EHBP1: variants seen among roughly 807,000 people sequenced by gnomAD.
The protein encoded by EHBP1 is EH domain binding protein 1.
Under a neutral mutation model 144.0 loss-of-function variants are expected in EHBP1, and 55 were observed. That is an observed-to-expected ratio of 0.38 (90% CI 0.31 to 0.48). The LOEUF is 0.48. Ranked by LOEUF, EHBP1 falls within the 20% of genes least tolerant of loss-of-function variation. The pLI, the probability that EHBP1 is intolerant of heterozygous loss-of-function variation, is 0.98. For synonymous variants in EHBP1, 469 were observed against 472.7 expected, an observed-to-expected ratio of 0.99 and a Z score of 0.10; for missense variants, 1,200 against 1,364.2, an observed-to-expected ratio of 0.88 and a Z score of 1.90.
chr2:62,835,170 T>C (rs1342399620), intron 7 of EHBP1, among the ~76,000 whole-genome samples: 3 of 152,196 alleles, frequency 2.0e-5, no homozygotes, highest in African/African-American at 4.8e-5. Context: ...ATCTGTGTTA[T>C]TTTAAGTGCT....
intron 3 of EHBP1, among the ~76,000 whole-genome samples, chr2:62,753,730 C>T (rs989201679): frequency 1.7e-4 from 26 of 152,126 alleles, no homozygotes; most frequent in Non-Finnish European, 4.4e-5. Context: ...CTTCTCACTT[C>T]ATTTCATTCA....
chr2:62,778,350 G>A (rs1210930996), intron 5 of EHBP1, among the ~76,000 whole-genome samples: 1 of 151,936 alleles, frequency 6.6e-6, no homozygotes, highest in East Asian at 1.9e-4. Context: ...ACCACCATGG[G>A]CAATATAATA....
upstream of EHBP1, among the ~76,000 whole-genome samples, chr2:62,703,787 T>C (rs1378610916): frequency 6.6e-6 from 1 of 152,230 alleles, no homozygotes; most frequent in Non-Finnish European, 1.5e-5. Flanking sequence ...TAAAACTTAT[T>C]ACTTTTAAGG....
chr2:62,805,468 C>CT (rs199557281), intron 5 of EHBP1, among the ~76,000 whole-genome samples: 4,185 of 123,774 alleles, frequency 0.034, 130 homozygotes, highest in African/African-American at 0.089. Context: ...TTTGTATTTT[C>CT]TTTTTTTTTT....
chr2:62,841,163 A>C (rs1213825456), intron 7 of EHBP1, among the ~76,000 whole-genome samples: 1 of 152,212 alleles, frequency 6.6e-6, no homozygotes, highest in South Asian at 2.1e-4. Context: ...TGCAGCCATA[A>C]AAAAGGGTGA....
chr2:62,791,778 T>A (rs2043181667), intron 5 of EHBP1, among the ~76,000 whole-genome samples: 1 of 151,952 alleles, frequency 6.6e-6, no homozygotes, highest in African/African-American at 2.4e-5. Context: ...ATTTACAAAT[T>A]AGTAAAATAA....
At chr2:62,833,739 A>G (rs747276579) in intron 7 of EHBP1, among the ~76,000 whole-genome samples, 6 of 152,232 alleles carry the variant, frequency 3.9e-5, no homozygotes, top group Admixed American at 6.5e-5. Context: ...TCAAGGAGTA[A>G]TTTTGGCTTT....
intron 13 of EHBP1, among the ~76,000 whole-genome samples, chr2:62,953,217 C>CAA (rs35848429): frequency 4.0e-3 from 259 of 64,118 alleles, no homozygotes; most frequent in Non-Finnish European, 5.0e-3. Context: ...AAGTCCGTCT[C>CAA]AAAAAAAAAA....
rs367703632 is a variant in EHBP1 at position 62,809,802 on chromosome 2, A to G, written c.313-16285A>G. Among the ~76,000 whole-genome samples, 142 of 152,290 alleles carry G rather than the reference A, an allele frequency of 9.3e-4. 4 individuals carry two copies. The South Asian group carries it at 0.028, about 30-fold the overall frequency. On this transcript the variant is annotated intron_variant, in intron 5 of 22. Transcript: ENST00000431489. ...TTGCTTAGGATTTTGGCCTTCAGCT[A>G]TATCCATGATTTGTCTACACCTAGC...
chr2:62,751,152 C>T (rs947365112), intron 3 of EHBP1, among the ~76,000 whole-genome samples: 1 of 152,006 alleles, frequency 6.6e-6, no homozygotes, highest in Admixed American at 6.6e-5. Context: ...TTTTGAGATA[C>T]GTCCCATCAA....
chr2:62,756,343 T>C (rs1573164668), intron 3 of EHBP1, among the ~76,000 whole-genome samples: 1 of 152,194 alleles, frequency 6.6e-6, no homozygotes, highest in Non-Finnish European at 1.5e-5. Context: ...TTGGATGAAT[T>C]TTCCGTTTGT....
upstream of EHBP1, among the ~76,000 whole-genome samples, chr2:62,701,722 T>C (rs2034287194): frequency 2.6e-5 from 4 of 152,212 alleles, no homozygotes; most frequent in South Asian, 8.3e-4. Flanking sequence ...TTTAAAAGTA[T>C]TGGCCTGCCA....
chr2:62,755,261 G>A (rs2040170261), intron 3 of EHBP1, among the ~76,000 whole-genome samples: 1 of 152,192 alleles, frequency 6.6e-6, no homozygotes, highest in Non-Finnish European at 1.5e-5. Flanking sequence ...TAGTACAGTA[G>A]TACAGTCAGG....
chr2:62,749,662 A>T (rs2039489897), intron 3 of EHBP1, among the ~76,000 whole-genome samples: 1 of 152,122 alleles, frequency 6.6e-6, no homozygotes, highest in Admixed American at 6.5e-5. Context: ...CTGACTTTTT[A>T]ATGATTGCCA....
intron 8 of EHBP1, among the ~76,000 whole-genome samples, chr2:62,863,561 G>T (rs1286875345): frequency 1.3e-5 from 2 of 152,100 alleles, no homozygotes; most frequent in African/African-American, 4.8e-5. Context: ...TCACCTTGAA[G>T]ATTCTTATGT....
At chr2:62,719,466 G>T (rs1231733255) in intron 2 of EHBP1, among the ~76,000 whole-genome samples, 1 of 151,918 alleles carries the variant, frequency 6.6e-6, no homozygotes, top group Non-Finnish European at 1.5e-5. Flanking sequence ...CACAAACTGT[G>T]CCAAGGAGCC....
In EHBP1 at chr2:62,864,655, T is replaced by C. The variant is rs1020118659; in HGVS notation, c.758-76T>C. On this transcript the variant is annotated intron_variant, in intron 8 of 22. Coordinates refer to ENST00000431489, the MANE Select transcript of EHBP1 (RefSeq NM_001142616.3). ...GCTTATTAATTCAATAATGCATATA[T>C]TTGAGAACACTAAACAATATTAGAA... The C allele has an allele frequency of 4.3e-6, 6 of 1,397,508 alleles. No homozygotes were observed. The African/African-American group carries it at 7.3e-5, about 17-fold the overall frequency. The allele number at this position is 1,397,508 out of a possible 1,614,324, so 86.6% of individuals were successfully genotyped here. A position where few individuals can be genotyped will look rare whatever the true frequency, so the allele number is the denominator to read the frequency against.
intron 16 of EHBP1, 134 bp from the exon 17 acceptor site, chr2:62,993,396 G>A: frequency 1.4e-6 from 1 of 717,474 alleles, no homozygotes; most frequent in East Asian, 3.1e-5. Flanking sequence ...GCTCTTTAAA[G>A]TGCTTTAAAA....
intron 5 of EHBP1, among the ~76,000 whole-genome samples, chr2:62,807,735 A>G (rs1828398): frequency 0.37 from 55,917 of 151,930 alleles, 10,430 homozygotes; most frequent in Middle Eastern, 0.54. Flanking sequence ...TGTTTGTCTG[A>G]GAAAGTCTTT....
Sources: allele counts gnomAD v4.1 joint callset (sites outside exome capture counted in the v4.1 genomes callset), GRCh38; gene constraint gnomAD v4.1.1; transcripts MANE v1.5; gene names NCBI Gene and HGNC (gene_info 2026-07-23, HGNC 2026-07-21).